The following FAM90A20 variants were observed in gnomAD, a reference collection of about 807,000 sequenced individuals.
FAM90A20 encodes the protein protein FAM90A20.
At chr8:7,297,131 C>T in the FAM90A20 span, 12 of 1,516,188 alleles carry the variant, frequency 7.9e-6, 1 homozygote, top group African/African-American at 3.9e-5. Context: ...CCTCTCTGGT[C>T]GCTCAGCTAC....
At chr8:7,296,079 A>C in the FAM90A20 span, among the ~76,000 whole-genome samples, 11 of 130,598 alleles carry the variant, frequency 8.4e-5, 4 homozygotes, top group African/African-American at 4.5e-4. Context: ...AAAGCAATGG[A>C]ATCCAAATCA....
the FAM90A20 span, chr8:7,297,293 ACT>A: frequency 2.2e-6 from 3 of 1,334,932 alleles, no homozygotes; most frequent in Non-Finnish European, 2.1e-6. Flanking sequence ...GGTCCACGAG[ACT>A]CTCCTCGTGG....
chr8:7,297,695 G>A, the FAM90A20 span: 1 of 1,419,230 alleles, frequency 7.0e-7, no homozygotes. Flanking sequence ...ACCGGCCCAG[G>A]TGCCCAGCGT....
At chr8:7,296,032 C>CG in the FAM90A20 span, among the ~76,000 whole-genome samples, 1 of 129,036 alleles carries the variant, frequency 7.7e-6, no homozygotes, top group Non-Finnish European at 1.5e-5. Context: ...CGGGGAGAGG[C>CG]GGGGGCGCTT....
chr8:7,297,500 A>T, the FAM90A20 span: 6 of 1,519,408 alleles, frequency 3.9e-6, 1 homozygote, highest in Non-Finnish European at 3.6e-6. Flanking sequence ...GTCAGGAGCC[A>T]AGAGACCTGC....
the FAM90A20 span, chr8:7,297,104 C>A: frequency 6.7e-6 from 10 of 1,501,246 alleles, no homozygotes; most frequent in Admixed American, 1.5e-4. Flanking sequence ...CTGTAAGAGG[C>A]CGCGCATGGA....
chr8:7,297,433 G>A, the FAM90A20 span: 2 of 1,556,740 alleles, frequency 1.3e-6, no homozygotes, highest in Non-Finnish European at 1.7e-6. Flanking sequence ...TGACCTCACA[G>A]CCCTGCCCAT....
At chr8:7,297,078 T>C in the FAM90A20 span, 5 of 1,510,786 alleles carry the variant, frequency 3.3e-6, no homozygotes, top group East Asian at 4.6e-5. Flanking sequence ...AGGGGGCCAA[T>C]GCCGGTCCAC....
chr8:7,296,486 G>C, the FAM90A20 span: 1 of 663,984 alleles, frequency 1.5e-6, no homozygotes. Flanking sequence ...GGAGGAAATC[G>C]GGGAACCCCT....
At chr8:7,297,591 A>T in the FAM90A20 span, 73 of 1,496,196 alleles carry the variant, frequency 4.9e-5, 3 homozygotes, top group Non-Finnish European at 5.9e-5. Flanking sequence ...AGCACCATCC[A>T]GGGAGGTGAG....
At chr8:7,297,419 G>T in the FAM90A20 span, 48 of 1,553,628 alleles carry the variant, frequency 3.1e-5, 6 homozygotes, top group African/African-American at 3.9e-5. Flanking sequence ...CAAACGTCCT[G>T]CGGTGACCTC....
chr8:7,296,938 G>T, the FAM90A20 span: 6 of 833,826 alleles, frequency 7.2e-6, no homozygotes, highest in Admixed American at 2.1e-5. Context: ...CTACTTCCAA[G>T]GACCGCCTGT....
the FAM90A20 span, chr8:7,297,435 C>T: frequency 1.0e-4 from 163 of 1,556,330 alleles, 13 homozygotes; most frequent in Non-Finnish European, 1.3e-4. Flanking sequence ...ACCTCACAGC[C>T]CTGCCCATCA....
the FAM90A20 span, chr8:7,297,374 G>C: frequency 2.0e-6 from 3 of 1,493,000 alleles, no homozygotes; most frequent in East Asian, 2.2e-5. Flanking sequence ...CAAAACCCAC[G>C]GCCTGCTCCA....
chr8:7,296,363 G>C, the FAM90A20 span: 1 of 747,858 alleles, frequency 1.3e-6, no homozygotes, highest in Non-Finnish European at 2.4e-6. Context: ...CTGCCGAATG[G>C]AAAAGGATCC....
the FAM90A20 span, chr8:7,296,335 A>G: frequency 2.7e-6 from 2 of 743,872 alleles, no homozygotes; most frequent in African/African-American, 2.5e-5. Flanking sequence ...GTTTTCCGGG[A>G]AACCTCCAGA....
At chr8:7,297,546 A>C in the FAM90A20 span, 2 of 1,523,888 alleles carry the variant, frequency 1.3e-6, no homozygotes, top group African/African-American at 2.0e-5. Flanking sequence ...AACTTCCCCA[A>C]GAAACCGAGA....
the FAM90A20 span, chr8:7,297,693 A>G: frequency 7.1e-7 from 1 of 1,414,140 alleles, no homozygotes; most frequent in South Asian, 1.1e-5. Context: ...ACACCGGCCC[A>G]GGTGCCCAGC....
the FAM90A20 span, among the ~76,000 whole-genome samples, chr8:7,296,827 A>G: frequency 0.011 from 1,426 of 134,178 alleles, 129 homozygotes; most frequent in East Asian, 0.039. Flanking sequence ...CCCAAGACGC[A>G]ATCTTTTGAA....
Sources: allele counts gnomAD v4.1 joint callset (sites outside exome capture counted in the v4.1 genomes callset), GRCh38; gene constraint gnomAD v4.1.1; transcripts MANE v1.5; gene names NCBI Gene and HGNC (gene_info 2026-07-23, HGNC 2026-07-21).